TEX264: variants seen among roughly 807,000 people sequenced by gnomAD.
TEX264 encodes the protein testis expressed 264, ER-phagy receptor, also known as testis-expressed protein 264.
Under a neutral mutation model 23.4 loss-of-function variants are expected in TEX264, and 13 were observed. That is an observed-to-expected ratio of 0.56 (90% CI 0.36 to 0.88). TEX264 has a LOEUF of 0.88. Among genes scored for constraint, TEX264 ranks in the 40% least tolerant of loss-of-function variants. The probability of loss-of-function intolerance (pLI) is 0.01; values close to 1 mark genes in which losing one functional copy is unlikely to be tolerated. For missense variants in TEX264, 340 were observed against 406.8 expected, an observed-to-expected ratio of 0.84 and a Z score of 1.41; for synonymous variants, 159 against 170.0, an observed-to-expected ratio of 0.94 and a Z score of 0.50.
At position 51,686,989 on chromosome 3, in the gene TEX264, T is replaced by A. The variant is rs1017251771; in HGVS notation, c.480+2355T>A. Among the ~76,000 whole-genome samples, 1 of 152,232 alleles carries A rather than the reference T, an allele frequency of 6.6e-6. No homozygotes were observed. The highest frequency in any genetic ancestry group is 2.4e-5 in the African/African-American group (1 of 41,456). The stretch of plus-strand genomic sequence containing the variant: ...CCAAATTTCCCGGCCCCTGACAGCT[T>A]CACAAGTTGCCTGGTTTTGACGTCA... On this transcript the variant is annotated intron_variant, in intron 3 of 4. Coordinates refer to ENST00000341333, the MANE Select transcript of TEX264 (RefSeq NM_015926.6). The surrounding 1 kb of genome is among the most constrained non-coding windows in gnomAD (Gnocchi z 4.1).
In TEX264 at chr3:51,688,161, G is replaced by A. The variant is rs141143201; in HGVS notation, c.480+3527G>A. Among the ~76,000 whole-genome samples the A allele has an allele frequency of 7.2e-5, 11 of 152,342 alleles. No homozygotes were observed. In the East Asian group the frequency reaches 2.1e-3, roughly 29 times the overall value. On this transcript the variant is annotated intron_variant, in intron 3 of 4. Transcript: ENST00000341333. ...GTCCAAGGAGGTGGCCTCTAGTACA[G>A]GAGGAGACCACTCCCCAAGTCCCAG... is the stretch of plus-strand genomic sequence containing the variant.
Position 51,684,488 on chromosome 3 carries a change from A to G in TEX264, c.334A>G (p.Ile112Val), listed in dbSNP as rs1455714535. 2 of 1,614,108 alleles carry G rather than the reference A, an allele frequency of 1.2e-6. No homozygotes were observed. The highest frequency in any genetic ancestry group is 1.7e-5 in the Admixed American group (1 of 60,002). ...TGAGGAATCGCCCTCCCCTGAGCTC[A>G]TCGACCTCTACCAGAAATTTGGCTT... is the stretch of plus-strand genomic sequence containing the variant. Reference protein sequence around the residue: ...EGEESPSPELIDLYQKFGFKV... With the variant: ...EGEESPSPELVDLYQKFGFKV... The change falls in exon 3 of 5, where the codon ATC becomes GTC. Residue 112 changes from isoleucine (I) to valine (V), a missense_variant. By Grantham distance (29) the Ile-to-Val change is conservative (BLOSUM62 3). Transcript: ENST00000341333.
chr3:51,672,252 C>T (rs1295016727), intron 1 of TEX264: 1 of 152,168 alleles, frequency 6.6e-6, no homozygotes, highest in Admixed American at 6.5e-5. Context: ...GCGCTCGGCC[C>T]CTGCCGCACT....
intron 2 of TEX264, among the ~76,000 whole-genome samples, chr3:51,679,916 T>C (rs1702363197): frequency 6.6e-6 from 1 of 152,180 alleles, no homozygotes; most frequent in African/African-American, 2.4e-5. Flanking sequence ...CGTGTGCCTT[T>C]GGGCATAAGC....
At chr3:51,697,687 C>CT (rs1395257193) in intron 3 of TEX264, among the ~76,000 whole-genome samples, 2 of 152,220 alleles carry the variant, frequency 1.3e-5, no homozygotes, top group African/African-American at 4.8e-5. Context: ...ATGCCTGCCT[C>CT]TAAGTGCTGG....
chr3:51,689,291 G>A (rs575658609), intron 3 of TEX264, among the ~76,000 whole-genome samples: 6 of 151,910 alleles, frequency 3.9e-5, no homozygotes, highest in African/African-American at 9.7e-5. Flanking sequence ...TTAGCTGGGC[G>A]TGGTGGCGTG....
chr3:51,691,520 G>A lies in TEX264; in HGVS notation c.480+6886G>A, dbSNP rs952138492. ...GGAAAGGCAAAACAACCCTTGTGCG[G>A]TGGTGGCATTTGGGCTGCACCTATA... On this transcript the variant is annotated intron_variant, in intron 3 of 4. Transcript: ENST00000341333. This position sits in a 1 kb window ranked among gnomAD's most constrained non-coding sequence, Gnocchi z 4.4. Among the ~76,000 whole-genome samples, 3 of 152,230 alleles carry A rather than the reference G, an allele frequency of 2.0e-5. No homozygotes were observed. The highest frequency in any genetic ancestry group is 4.4e-5 in the Non-Finnish European group (3 of 68,046).
chr3:51,703,741 G>A lies in TEX264; in HGVS notation c.667G>A (p.Asp223Asn), dbSNP rs1186344782. 3 of 1,590,674 alleles carry A rather than the reference G, an allele frequency of 1.9e-6. No individual in the cohort carries two copies. The highest frequency in any genetic ancestry group is 2.6e-6 in the Non-Finnish European group (3 of 1,162,528). The change falls in exon 5 of 5, where the codon GAC becomes AAC. Residue 223 changes from aspartate (D) to asparagine (N), a missense_variant. By Grantham distance (23) the Asp-to-Asn change is conservative. Transcript: ENST00000341333. This position sits in a 1 kb window ranked among gnomAD's most constrained non-coding sequence, Gnocchi z 4.8. ...VDGTGADTMS[D>N]TSSVSLEVSP... ...GGTCATAGGAGCTGACACAATGAGT[G>A]ACACGAGTTCTGTAAGCTTGGAAGT...
Position 51,674,475 on chromosome 3 carries a change from T to C in TEX264, c.171T>C (p.Tyr57=). 1.2e-6 allele frequency: 2 copies of C among 1,614,200 alleles called. No homozygotes were observed. Among genetic ancestry groups the C allele is most frequent in the Non-Finnish European group, 8.5e-7 (1 of 1,180,040 alleles). The change falls in exon 2 of 5, where the codon TAT becomes TAC. Residue 57 remains tyrosine, a synonymous_variant. Transcript: ENST00000341333. ...TVAYKFHMGL[Y]GETGRLFTES... ...CCTACAAGTTCCACATGGGGCTCTA[T>C]GGTGAGACTGGGCGGCTTTTCACTG...
chr3:51,700,638 C>T lies in TEX264; in HGVS notation c.649+1064C>T, dbSNP rs1220119936. 3.3e-5 allele frequency among the ~76,000 whole-genome samples: 5 copies of T among 152,090 alleles called. 1 individual carries two copies. The highest frequency in any genetic ancestry group is 3.3e-4 in the Admixed American group (5 of 15,282). On this transcript the variant is annotated intron_variant, in intron 4 of 4. Transcript: ENST00000341333. ...AGGGCAGGAAGACAGAGTGCCTTCA[C>T]TTTACTGTGACCTCCCTCTGCTGCC...
intron 3 of TEX264, among the ~76,000 whole-genome samples, chr3:51,687,650 A>T (rs1343566534): frequency 6.6e-6 from 1 of 152,088 alleles, no homozygotes; most frequent in African/African-American, 2.4e-5. Flanking sequence ...GGGGTGAGAG[A>T]GGCCAGGAGC....
rs1177581605 is a variant in TEX264, at chr3:51,696,334, G to A, written c.481-3072G>A. Among the ~76,000 whole-genome samples, 10 of 152,294 alleles carry A rather than the reference G, an allele frequency of 6.6e-5. No individual in the cohort carries two copies. The South Asian group carries it at 1.0e-3, about 16-fold the overall frequency. On this transcript the variant is annotated intron_variant, in intron 3 of 4. Coordinates refer to ENST00000341333, the MANE Select transcript of TEX264 (RefSeq NM_015926.6). ...AGTGTGACCTTGAGCTAGTGTCCTT[G>A]GCCACTGGCAGTCTGCTCTCCAAGG...
chr3:51,687,448 A>G (rs1702663684), intron 3 of TEX264, among the ~76,000 whole-genome samples: 4 of 152,146 alleles, frequency 2.6e-5, no homozygotes, highest in Admixed American at 2.6e-4. Flanking sequence ...CCCTGCCTTC[A>G]TCTCCCCTGC....
chr3:51,697,087 G>A (rs916001762), intron 3 of TEX264, among the ~76,000 whole-genome samples: 2 of 152,368 alleles, frequency 1.3e-5, no homozygotes, highest in African/African-American at 4.8e-5. Flanking sequence ...TGATGGCTTT[G>A]AGATGAAGGC....
chr3:51,676,936 C>T (rs1485967366), intron 2 of TEX264, among the ~76,000 whole-genome samples: 37 of 152,194 alleles, frequency 2.4e-4, no homozygotes, highest in Admixed American at 2.4e-3. Flanking sequence ...ACACCTGTGT[C>T]CCCATTTAGA....
At position 51,674,478 on chromosome 3, in the gene TEX264, T is replaced by C. The variant is rs970864987; in HGVS notation, c.174T>C (p.Gly58=). The change falls in exon 2 of 5, where the codon GGT becomes GGC. Residue 58 remains glycine, a synonymous_variant. Transcript: ENST00000341333. The part of the protein sequence containing the change: ...VAYKFHMGLY[G]ETGRLFTESC... ...ACAAGTTCCACATGGGGCTCTATGG[T>C]GAGACTGGGCGGCTTTTCACTGAGA... 4.3e-6 allele frequency: 7 copies of C among 1,614,042 alleles called. No homozygotes were observed. The African/African-American group carries it at 9.3e-5, about 22-fold the overall frequency.
chr3:51,699,715 C>A (rs1703212944), intron 4 of TEX264, 141 bp downstream of exon 4: 16 of 925,560 alleles, frequency 1.7e-5, no homozygotes, highest in Non-Finnish European at 2.5e-5. Context: ...AGGAAGGAGA[C>A]CCACCTACCT....
At chr3:51,702,763 G>A (rs1353308313) in intron 4 of TEX264, among the ~76,000 whole-genome samples, 4 of 152,210 alleles carry the variant, frequency 2.6e-5, no homozygotes, top group African/African-American at 9.6e-5. Flanking sequence ...TGCCACCCCA[G>A]CCTGCATTCA....
At chr3:51,673,422 G>A (rs897439874) in intron 1 of TEX264, among the ~76,000 whole-genome samples, 1 of 152,216 alleles carries the variant, frequency 6.6e-6, no homozygotes, top group Non-Finnish European at 1.5e-5. Context: ...TCCTGGGACT[G>A]CTCTTGAACA....
Sources: allele counts gnomAD v4.1 joint callset (sites outside exome capture counted in the v4.1 genomes callset), GRCh38; gene constraint gnomAD v4.1.1; non-coding constraint Gnocchi (gnomAD v3.1); transcripts MANE v1.5; gene names NCBI Gene and HGNC (gene_info 2026-07-23, HGNC 2026-07-21).